Variants in HMG20A observed in about 807,000 individuals in gnomAD.
The protein encoded by HMG20A is high mobility group protein 20A.
In HMG20A, 17 loss-of-function variants were observed where a neutral mutation model predicts 43.9. The observed-to-expected ratio is 0.39, with a 90% CI of 0.27 to 0.58. HMG20A has a LOEUF of 0.58. Ranked by LOEUF, HMG20A falls within the 20% of genes least tolerant of loss-of-function variation. The pLI is 0.59. For synonymous variants in HMG20A, 132 were observed against 147.5 expected (o/e 0.89, Z 0.76); for missense variants, 341 against 438.2 (o/e 0.78, Z 1.98).
At chr15:77,469,121 A>G (rs1256820267) in intron 4 of HMG20A, among the ~76,000 whole-genome samples, 3 of 151,664 alleles carry the variant, frequency 2.0e-5, no homozygotes, top group African/African-American at 7.3e-5. Context: ...TCAATATGTC[A>G]CATATGCAGG....
rs376779978 is a variant in HMG20A at position 77,484,417 on chromosome 15, C to T, written c.*1454C>T. ...GAACCAAAGGCAGAGCAAGCAGAGC[C>T]CGTTGTCTGGGCCCCACACCACTGC... On this transcript the variant is annotated 3_prime_UTR_variant, in exon 10 of 10. Coordinates refer to ENST00000336216, the MANE Select transcript of HMG20A (RefSeq NM_001304504.2). The T allele has an allele frequency of 1.3e-4, 20 of 152,698 alleles. No homozygotes were observed. The highest frequency in any genetic ancestry group is 4.8e-4 in the African/African-American group (20 of 41,522). The allele number at this position is 152,698 out of a possible 1,614,324, so 9.5% of individuals were successfully genotyped here. A position where few individuals can be genotyped will look rare whatever the true frequency, so the allele number is the denominator to read the frequency against.
At chr15:77,480,692 T>C (rs2072899161) in intron 9 of HMG20A, among the ~76,000 whole-genome samples, 1 of 149,948 alleles carries the variant, frequency 6.7e-6, no homozygotes, top group Admixed American at 6.7e-5. Flanking sequence ...AAAAAATATG[T>C]TCAACAAATG....
chr15:77,496,982 A>G, the HMG20A span, among the ~76,000 whole-genome samples: 1 of 152,248 alleles, frequency 6.6e-6, no homozygotes, highest in Non-Finnish European at 1.5e-5. Context: ...CAGTGCTGGC[A>G]GGAGAGCTGG....
intron 1 of HMG20A, among the ~76,000 whole-genome samples, chr15:77,434,568 C>G (rs1186584535): frequency 6.6e-6 from 1 of 152,042 alleles, no homozygotes; most frequent in African/African-American, 2.4e-5. Context: ...GGACAAAATA[C>G]TTCAATAGGC....
chr15:77,472,208 C>T (rs1350672699), intron 6 of HMG20A, among the ~76,000 whole-genome samples: 2 of 152,138 alleles, frequency 1.3e-5, no homozygotes, highest in African/African-American at 4.8e-5. Context: ...TTGCTTAAAG[C>T]GAACTGTTCA....
At chr15:77,510,236 G>A in the HMG20A span, among the ~76,000 whole-genome samples, 1 of 152,130 alleles carries the variant, frequency 6.6e-6, no homozygotes, top group Non-Finnish European at 1.5e-5. Context: ...GAGCTCTCTT[G>A]CCCACACCCC....
intron 2 of HMG20A, among the ~76,000 whole-genome samples, chr15:77,460,477 C>T (rs898903793): frequency 5.3e-5 from 8 of 152,080 alleles, no homozygotes; most frequent in African/African-American, 1.9e-4. Flanking sequence ...ATTAAAGATG[C>T]TTATTAGATA....
the HMG20A span, among the ~76,000 whole-genome samples, chr15:77,494,052 AG>A: frequency 6.6e-6 from 1 of 152,220 alleles, no homozygotes; most frequent in African/African-American, 2.4e-5. Context: ...ACTGCTCTGA[AG>A]GCAGATAGTC....
chr15:77,504,680 G>C, the HMG20A span, among the ~76,000 whole-genome samples: 1 of 152,194 alleles, frequency 6.6e-6, no homozygotes, highest in Admixed American at 6.5e-5. Context: ...CTGGAGGACC[G>C]CTGGAGGGGC....
chr15:77,464,821 G>A (rs1595926117), intron 3 of HMG20A: 1 of 154,646 alleles, frequency 6.5e-6, no homozygotes, highest in African/African-American at 2.4e-5. Flanking sequence ...TCACACAAAG[G>A]CGTATGAGCC....
intron 2 of HMG20A, among the ~76,000 whole-genome samples, chr15:77,463,228 A>G (rs867296558): frequency 6.6e-6 from 1 of 152,100 alleles, no homozygotes; most frequent in Non-Finnish European, 1.5e-5. Flanking sequence ...ACCTTGATGA[A>G]TACGTACTCA....
intron 1 of HMG20A, among the ~76,000 whole-genome samples, chr15:77,448,208 G>T (rs916450060): frequency 3.9e-5 from 6 of 152,002 alleles, no homozygotes; most frequent in African/African-American, 1.5e-4. Context: ...CCTTCATTCA[G>T]TCTGTTCTTA....
chr15:77,426,388 C>T (rs530110647), intron 1 of HMG20A, among the ~76,000 whole-genome samples: 1 of 152,224 alleles, frequency 6.6e-6, no homozygotes, highest in South Asian at 2.1e-4. Flanking sequence ...TTATATGTTA[C>T]ATGTACTATG....
Position 77,484,066 on chromosome 15 carries a change from A to AT in HMG20A, c.*1109dup, listed in dbSNP as rs1294767866. ...TTCCCTTCCTTCCCCCTCCTTAGTG[A>AT]TTTTTTCTTTAACAGCATAAGTAAA... is the stretch of plus-strand genomic sequence containing the variant. On this transcript the variant is annotated 3_prime_UTR_variant, in exon 10 of 10. Transcript: ENST00000336216. 6.6e-6 allele frequency: 1 copy of AT among 151,830 alleles called. No homozygotes were observed. Among genetic ancestry groups the AT allele is most frequent in the East Asian group, 1.9e-4 (1 of 5,168 alleles). The allele number at this position is 151,830 out of a possible 1,614,324, so 9.4% of individuals were successfully genotyped here.
the HMG20A span, among the ~76,000 whole-genome samples, chr15:77,505,880 T>C: frequency 6.6e-6 from 1 of 152,158 alleles, no homozygotes. Flanking sequence ...ACTCTCTTCT[T>C]GAACAGACCA....
In HMG20A at chr15:77,485,074, T is replaced by G. The variant is rs192057302; in HGVS notation, c.*2111T>G. ...TTGCATATTCAGGAATGCATGAGATTTCAAGAGAGCCTACAGTATGAAATC... is the reference window on the plus strand; with the variant it reads ...TTGCATATTCAGGAATGCATGAGATGTCAAGAGAGCCTACAGTATGAAATC... On this transcript the variant is annotated 3_prime_UTR_variant, in exon 10 of 10. Transcript: ENST00000336216. 20 of 152,330 alleles carry G rather than the reference T, an allele frequency of 1.3e-4. No individual in the cohort carries two copies. Among genetic ancestry groups the G allele is most frequent in the African/African-American group, 4.8e-4 (20 of 41,568 alleles). 9.4% of individuals were successfully genotyped at this position (152,330 alleles called of 1,614,324 possible).
intron 1 of HMG20A, among the ~76,000 whole-genome samples, chr15:77,428,396 T>A (rs1595910241): frequency 6.6e-6 from 1 of 152,186 alleles, no homozygotes; most frequent in Non-Finnish European, 1.5e-5. Context: ...AGTAACCTTT[T>A]AAAATAGTAA....
At position 77,420,992 on chromosome 15, in the gene HMG20A, C is replaced by T; in HGVS notation, c.-17C>T. On this transcript the variant is annotated 5_prime_UTR_variant, in exon 1 of 10. Coordinates refer to ENST00000336216, the MANE Select transcript of HMG20A (RefSeq NM_001304504.2). ...TTTGGCCCTAGGCCCCTTCCTGCCC[C>T]TGTCGTCAGCAGGTCAGTAAGCAAG... is the stretch of plus-strand genomic sequence containing the variant. 2.5e-6 allele frequency: 1 copy of T among 398,766 alleles called. No individual in the cohort carries two copies. Among genetic ancestry groups the T allele is most frequent in the Non-Finnish European group, 4.4e-6 (1 of 226,154 alleles). 24.7% of individuals were successfully genotyped at this position (398,766 alleles called of 1,614,324 possible).
rs1329764109 is a variant in HMG20A at position 77,484,821 on chromosome 15, T to G, written c.*1858T>G. ...CTGCAAAGCCCAAGCTAGAACTCAC[T>G]GTCTATGGCAGAAGGACATCCAGAG... On this transcript the variant is annotated 3_prime_UTR_variant, in exon 10 of 10. Transcript: ENST00000336216. 6.6e-6 allele frequency: 1 copy of G among 152,228 alleles called. No individual in the cohort carries two copies. The highest frequency in any genetic ancestry group is 1.9e-4 in the East Asian group (1 of 5,190). 9.4% of individuals were successfully genotyped at this position (152,228 alleles called of 1,614,324 possible). A position where few individuals can be genotyped will look rare whatever the true frequency, so the allele number is the denominator to read the frequency against.
Sources: allele counts gnomAD v4.1 joint callset (sites outside exome capture counted in the v4.1 genomes callset), GRCh38; gene constraint gnomAD v4.1.1; transcripts MANE v1.5; gene names NCBI Gene and HGNC (gene_info 2026-07-23, HGNC 2026-07-21).